The following KCNQ5 variants were observed in gnomAD, a reference collection of about 807,000 sequenced individuals.
KCNQ5 encodes potassium voltage-gated channel subfamily Q member 5.
A neutral mutation model predicts 98.2 loss-of-function variants in KCNQ5; 30 were observed. The observed-to-expected ratio is 0.31, with a 90% CI of 0.23 to 0.41. The LOEUF is 0.41. Ranked by LOEUF, KCNQ5 falls within the 10% of genes least tolerant of loss-of-function variation. KCNQ5 has a pLI of 1.00. For synonymous variants in KCNQ5, 458 were observed against 449.4 expected, an observed-to-expected ratio of 1.02 and a Z score of -0.24; for missense variants, 835 against 1,182.5, an observed-to-expected ratio of 0.71 and a Z score of 4.31.
rs80340270 is a variant in KCNQ5, at chr6:72,846,446, G to T, written c.399-157462G>T. ...CACCTGTAATCCCAACATTGAGGTGGGAGGATTGCTTGACCTCAGGAGTTT... is the reference window on the plus strand; with the variant it reads ...CACCTGTAATCCCAACATTGAGGTGTGAGGATTGCTTGACCTCAGGAGTTT... On this transcript the variant is annotated intron_variant, in intron 1 of 13. Coordinates refer to ENST00000370398, the MANE Select transcript of KCNQ5 (RefSeq NM_019842.4). 1.6e-3 allele frequency among the ~76,000 whole-genome samples: 244 copies of T among 152,162 alleles called. No individual in the cohort carries two copies. The Middle Eastern group carries it at 0.02, about 13-fold the overall frequency.
intron 1 of KCNQ5, among the ~76,000 whole-genome samples, chr6:72,796,369 A>G (rs1030686930): frequency 6.6e-6 from 1 of 152,110 alleles, no homozygotes; most frequent in African/African-American, 2.4e-5. Context: ...AGCCTGGACA[A>G]TGATGTAGGT....
At chr6:72,698,651 T>TC (rs1768638784) in intron 1 of KCNQ5, among the ~76,000 whole-genome samples, 2 of 42,502 alleles carry the variant, frequency 4.7e-5, no homozygotes, top group African/African-American at 7.1e-4. Flanking sequence ...TCTTCTTCTT[T>TC]TTTTTTTTTT....
At chr6:73,056,086 C>T (rs1394836499) in intron 3 of KCNQ5, among the ~76,000 whole-genome samples, 2 of 152,168 alleles carry the variant, frequency 1.3e-5, no homozygotes, top group Non-Finnish European at 2.9e-5. Flanking sequence ...GTGGAAAAGC[C>T]CCCCTTATCC....
At chr6:73,089,059 A>G (rs1774118826) in intron 5 of KCNQ5, among the ~76,000 whole-genome samples, 1 of 152,170 alleles carries the variant, frequency 6.6e-6, no homozygotes, top group Non-Finnish European at 1.5e-5. Context: ...GGGCTGCAAA[A>G]CAAGAGAGCA....
chr6:72,862,398 C>T (rs2150154028), intron 1 of KCNQ5, among the ~76,000 whole-genome samples: 1 of 152,332 alleles, frequency 6.6e-6, no homozygotes, highest in South Asian at 2.1e-4. Flanking sequence ...TAGCAAATAA[C>T]TTGCTTCCTC....
intron 1 of KCNQ5, among the ~76,000 whole-genome samples, chr6:72,827,999 T>C (rs558535096): frequency 1.6e-4 from 25 of 152,200 alleles, no homozygotes; most frequent in Non-Finnish European, 3.1e-4. Flanking sequence ...CTTTCTCAAA[T>C]GAGTGTTCTA....
At chr6:73,157,246 G>A (rs1582459877) in intron 10 of KCNQ5, among the ~76,000 whole-genome samples, 1 of 152,226 alleles carries the variant, frequency 6.6e-6, no homozygotes, top group African/African-American at 2.4e-5. Flanking sequence ...GTGATCCTCC[G>A]AGCTGGATCT....
chr6:73,010,403 A>G (rs1770010421), intron 2 of KCNQ5, among the ~76,000 whole-genome samples: 1 of 152,094 alleles, frequency 6.6e-6, no homozygotes, highest in Non-Finnish European at 1.5e-5. Context: ...CCTACAGCCA[A>G]CATCATACAC....
chr6:72,951,608 T>C (rs1766812902), intron 1 of KCNQ5, among the ~76,000 whole-genome samples: 1 of 152,048 alleles, frequency 6.6e-6, no homozygotes, highest in African/African-American at 2.4e-5. Context: ...CTATTAATAA[T>C]ACAAAAAGAT....
At chr6:72,674,068 T>C (rs1767278607) in intron 1 of KCNQ5, among the ~76,000 whole-genome samples, 1 of 152,200 alleles carries the variant, frequency 6.6e-6, no homozygotes, top group Non-Finnish European at 1.5e-5. Flanking sequence ...TCTTATAAGC[T>C]ACATTTCTAG....
chr6:72,772,053 A>G (rs1307507946), intron 1 of KCNQ5, among the ~76,000 whole-genome samples: 1 of 152,164 alleles, frequency 6.6e-6, no homozygotes, highest in Non-Finnish European at 1.5e-5. Context: ...CTTACTTTAT[A>G]TATTTTATGA....
chr6:72,671,734 C>G (rs76297799), intron 1 of KCNQ5, among the ~76,000 whole-genome samples: 7 of 152,238 alleles, frequency 4.6e-5, no homozygotes, highest in African/African-American at 1.7e-4. Context: ...CATGGGCATG[C>G]AGATTCTTGG....
intron 1 of KCNQ5, among the ~76,000 whole-genome samples, chr6:72,876,404 G>C (rs117419380): frequency 0.015 from 2,317 of 152,182 alleles, 29 homozygotes; most frequent in Non-Finnish European, 0.023. Context: ...AAACACCCAG[G>C]AAGCAGACTC....
At chr6:73,139,023 C>T (rs2150465675) in intron 10 of KCNQ5, among the ~76,000 whole-genome samples, 1 of 152,336 alleles carries the variant, frequency 6.6e-6, no homozygotes. Context: ...CTCCACAGAG[C>T]CTCAGGGCTC....
intron 3 of KCNQ5, among the ~76,000 whole-genome samples, chr6:73,052,330 A>G (rs1772282265): frequency 6.6e-6 from 1 of 152,238 alleles, no homozygotes. Flanking sequence ...GATATCATCC[A>G]TGAAAATTCC....
intron 1 of KCNQ5, among the ~76,000 whole-genome samples, chr6:72,811,922 T>C (rs1775263005): frequency 6.6e-6 from 1 of 152,184 alleles, no homozygotes; most frequent in African/African-American, 2.4e-5. Flanking sequence ...CTTGATTATC[T>C]GCTAAACAAG....
intron 1 of KCNQ5, among the ~76,000 whole-genome samples, chr6:72,705,813 A>T (rs1192405656): frequency 1.3e-5 from 2 of 152,070 alleles, no homozygotes; most frequent in Non-Finnish European, 2.9e-5. Context: ...TTGTATTGTT[A>T]TAATGTTGAC....
At chr6:73,028,028 GA>G (rs1330077469) in intron 2 of KCNQ5, among the ~76,000 whole-genome samples, 6 of 152,074 alleles carry the variant, frequency 3.9e-5, no homozygotes, top group Admixed American at 1.3e-4. Flanking sequence ...TATTATGGGG[GA>G]AAAAAATTCT....
At chr6:72,827,829 A>T (rs1458456596) in intron 1 of KCNQ5, among the ~76,000 whole-genome samples, 2 of 151,794 alleles carry the variant, frequency 1.3e-5, no homozygotes, top group African/African-American at 4.8e-5. Flanking sequence ...ACTGTTTCTC[A>T]TATGTTTTCT....
Sources: allele counts gnomAD v4.1 joint callset (sites outside exome capture counted in the v4.1 genomes callset), GRCh38; gene constraint gnomAD v4.1.1; transcripts MANE v1.5; gene names NCBI Gene and HGNC (gene_info 2026-07-23, HGNC 2026-07-21).